The following PTPRZ1 variants were observed in gnomAD, a reference collection of about 807,000 sequenced individuals.
The protein encoded by PTPRZ1 is protein tyrosine phosphatase receptor type Z1, also known as receptor-type tyrosine-protein phosphatase zeta.
In PTPRZ1, 82 loss-of-function variants were observed where a neutral mutation model predicts 214.1. The ratio of observed to expected loss-of-function variants is 0.38; its 90% confidence interval spans 0.32 to 0.46. PTPRZ1 has a LOEUF of 0.46. Among genes scored for constraint, PTPRZ1 ranks in the 20% least tolerant of loss-of-function variants. The pLI is 1.00. For missense variants in PTPRZ1, 2,603 were observed against 2,748.7 expected, an observed-to-expected ratio of 0.95 and a Z score of 1.19; for synonymous variants, 945 against 987.9, an observed-to-expected ratio of 0.96 and a Z score of 0.81.
chr7:121,899,023 A>G (rs187497319), intron 1 of PTPRZ1, among the ~76,000 whole-genome samples: 52 of 152,292 alleles, frequency 3.4e-4, no homozygotes, highest in African/African-American at 1.2e-3. Context: ...TTTAAAGTAT[A>G]TTGCTATAAT....
intron 23 of PTPRZ1, 61 bp downstream of exon 23, chr7:122,044,629 C>T: frequency 1.3e-6 from 2 of 1,547,344 alleles, no homozygotes; most frequent in Non-Finnish European, 8.8e-7. Flanking sequence ...TGCATCTTCT[C>T]ATTTGAGTTG....
intron 10 of PTPRZ1, among the ~76,000 whole-genome samples, chr7:122,004,380 G>GTAGA (rs1798418163): frequency 6.6e-6 from 1 of 152,098 alleles, no homozygotes; most frequent in African/African-American, 2.4e-5. Context: ...GGAGTGGGAG[G>GTAGA]TAGAGATCAA....
intron 2 of PTPRZ1, among the ~76,000 whole-genome samples, chr7:121,965,800 A>T (rs1347034770): frequency 4.6e-5 from 7 of 152,190 alleles, no homozygotes; most frequent in Non-Finnish European, 8.8e-5. Context: ...GCAAGAGAAG[A>T]TTCTGAAAAC....
intron 27 of PTPRZ1, among the ~76,000 whole-genome samples, chr7:122,055,955 A>G (rs1792338287): frequency 6.6e-6 from 1 of 151,938 alleles, no homozygotes; most frequent in Admixed American, 6.6e-5. Flanking sequence ...AATACAAATA[A>G]CTAATAGTGT....
chr7:122,006,687 CTTG>C (rs1798495849), intron 11 of PTPRZ1, among the ~76,000 whole-genome samples: 1 of 151,776 alleles, frequency 6.6e-6, no homozygotes, highest in African/African-American at 2.4e-5. Context: ...AGCAGGCTGG[CTTG>C]TTGTAGTCAG....
chr7:122,034,295 G>A lies in PTPRZ1; in HGVS notation c.5201G>A (p.Cys1734Tyr). The change falls in exon 17 of 30, where the codon TGT becomes TAT. Residue 1734 changes from cysteine to tyrosine, a missense_variant. Coordinates refer to ENST00000393386, the MANE Select transcript of PTPRZ1 (RefSeq NM_002851.3). ...AATTTTTTACAGGAAGTGCAGAGCTGTACTGTTGACTTAGGTATTACAGCA... is the reference window on the plus strand; with the variant it reads ...AATTTTTTACAGGAAGTGCAGAGCTATACTGTTGACTTAGGTATTACAGCA... ...LKEFYQEVQS[C>Y]TVDLGITADS... 6.2e-7 allele frequency: 1 copy of A among 1,613,318 alleles called. No individual in the cohort carries two copies. The highest frequency in any genetic ancestry group is 8.5e-7 in the Non-Finnish European group (1 of 1,179,560).
At chr7:122,004,566 C>G in intron 10 of PTPRZ1, 48 bp from the exon 11 acceptor site, 2 of 1,055,630 alleles carry the variant, frequency 1.9e-6, no homozygotes, top group Non-Finnish European at 2.8e-6. Context: ...CCACAAAGGC[C>G]GAAATAGTTG....
chr7:121,968,097 G>T lies in PTPRZ1; in HGVS notation c.271G>T (p.Glu91Ter). The T allele has an allele frequency of 6.2e-7, 1 of 1,604,782 alleles. No homozygotes were observed. The highest frequency in any genetic ancestry group is 8.5e-7 in the Non-Finnish European group (1 of 1,176,816). The change falls in exon 3 of 30, where the codon GAA (glutamate) becomes TAA (stop). Residue 91 changes from glutamate to a stop codon, truncating the protein, a stop_gained. Coordinates refer to ENST00000393386, the MANE Select transcript of PTPRZ1 (RefSeq NM_002851.3). LOFTEE classifies it high-confidence loss of function. Reference sequence around the variant, plus strand: ...TCAGGGTTGGGATAAAACATCATTGGAAAACACATTCATTCATAACACTGG... The same window carrying T: ...TCAGGGTTGGGATAAAACATCATTGTAAAACACATTCATTCATAACACTGG... ...KFQGWDKTSLENTFIHNTGKT... is the reference protein window; with the variant it reads ...KFQGWDKTSL
At chr7:121,917,832 A>G (rs183098360) in intron 1 of PTPRZ1, among the ~76,000 whole-genome samples, 33 of 152,324 alleles carry the variant, frequency 2.2e-4, no homozygotes, top group Admixed American at 2.1e-3. Context: ...ATGTGTTTAT[A>G]GTTAAAATTA....
At chr7:121,914,738 G>A (rs1029933272) in intron 1 of PTPRZ1, among the ~76,000 whole-genome samples, 1 of 152,208 alleles carries the variant, frequency 6.6e-6, no homozygotes, top group East Asian at 1.9e-4. Context: ...GTTGAGGACC[G>A]TGAAATAATA....
At chr7:121,894,953 ATAGT>A (rs1195006986) in intron 1 of PTPRZ1, among the ~76,000 whole-genome samples, 3 of 152,226 alleles carry the variant, frequency 2.0e-5, no homozygotes, top group Non-Finnish European at 2.9e-5. Context: ...AAATGTCATC[ATAGT>A]TAGTTCTTAC....
intron 1 of PTPRZ1, among the ~76,000 whole-genome samples, chr7:121,921,971 G>A (rs1169792279): frequency 6.6e-6 from 1 of 152,092 alleles, no homozygotes; most frequent in Non-Finnish European, 1.5e-5. Context: ...TTCCAGATGG[G>A]TAAAGATAGG....
rs1053218112 is a variant in PTPRZ1 at position 122,059,795 on chromosome 7, C to G, written c.6714C>G (p.Thr2238=). ...VTAGTFCALT[T]LMHQLEKENS... ...CAGGAACTTTCTGTGCTCTGACAAC[C>G]CTTATGCACCAACTAGAAAAAGAAA... Residue 2238 remains threonine, a synonymous_variant, in exon 29 of 30, where the codon ACC becomes ACG. Coordinates refer to ENST00000393386, the MANE Select transcript of PTPRZ1 (RefSeq NM_002851.3). The G allele has an allele frequency of 1.2e-6, 2 of 1,613,224 alleles. No homozygotes were observed. The highest frequency in any genetic ancestry group is 1.7e-5 in the Admixed American group (1 of 59,910).
At chr7:121,971,775 G>C (rs992407221) in intron 3 of PTPRZ1, among the ~76,000 whole-genome samples, 1 of 152,096 alleles carries the variant, frequency 6.6e-6, no homozygotes, top group Non-Finnish European at 1.5e-5. Context: ...TAGCTGGCTG[G>C]CCAATATGTT....
chr7:121,940,806 G>T (rs1426283124), intron 2 of PTPRZ1, among the ~76,000 whole-genome samples: 1 of 138,710 alleles, frequency 7.2e-6, no homozygotes, highest in South Asian at 2.3e-4. Flanking sequence ...CCTGCCAAAT[G>T]AAAAAAAAAA....
chr7:121,954,723 A>G (rs1344703443), intron 2 of PTPRZ1, among the ~76,000 whole-genome samples: 1 of 152,200 alleles, frequency 6.6e-6, no homozygotes, highest in East Asian at 1.9e-4. Flanking sequence ...TCTGTCTCAC[A>G]CTAGACACAT....
chr7:122,026,653 A>G (rs901935622), intron 13 of PTPRZ1, among the ~76,000 whole-genome samples: 2 of 152,120 alleles, frequency 1.3e-5, no homozygotes, highest in African/African-American at 4.8e-5. Flanking sequence ...TTGTTTCTGT[A>G]TCCACTCACC....
intron 1 of PTPRZ1, 23 bp from the exon 2 acceptor site, chr7:121,928,133 T>G: frequency 6.4e-7 from 1 of 1,554,842 alleles, no homozygotes. Flanking sequence ...ACATACTGAT[T>G]ACTTGGTTTT....
At position 122,012,353 on chromosome 7, in the gene PTPRZ1, C is replaced by T. The variant is rs1798697448; in HGVS notation, c.3307C>T (p.Leu1103Phe). 6.2e-7 allele frequency: 1 copy of T among 1,613,926 alleles called. No homozygotes were observed. Among genetic ancestry groups the T allele is most frequent in the East Asian group, 2.2e-5 (1 of 44,872 alleles). Residue 1103 changes from leucine (L) to phenylalanine (F), a missense_variant, in exon 12 of 30, where the codon CTT becomes TTT. Physicochemically the swap from Leu to Phe is conservative, Grantham distance 22 (BLOSUM62 0). This residue lies in a region of PTPRZ1 where 1,913 missense variants were observed against 1,914.3 expected (regional missense o/e 1.00). Coordinates refer to ENST00000393386, the MANE Select transcript of PTPRZ1 (RefSeq NM_002851.3). ...SSTKGMFPGS[L>F]AHTTTKVFDH... ...CACCAAGGGCATGTTTCCAGGGTCCCTTGCTCATACCACCACTAAGGTTTT... is the reference window on the plus strand; with the variant it reads ...CACCAAGGGCATGTTTCCAGGGTCCTTTGCTCATACCACCACTAAGGTTTT...
Sources: gnomAD v4.1 joint callset for allele counts (sites outside exome capture counted in the v4.1 genomes callset) on GRCh38, gnomAD v4.1.1 for gene constraint, gnomAD v4.1.1 regional missense constraint, MANE v1.5 for transcripts, NCBI Gene and HGNC (gene_info 2026-07-23, HGNC 2026-07-21) for gene names.